The following PRELID2 variants were observed in gnomAD, a reference collection of about 807,000 sequenced individuals.
The protein encoded by PRELID2 is PRELI domain containing 2, also known as PRELI domain-containing protein 2.
In PRELID2, 25 loss-of-function variants were observed where a neutral mutation model predicts 28.4. That is an observed-to-expected ratio of 0.88 (90% CI 0.64 to 1.23). PRELID2 has a LOEUF of 1.23. PRELID2 is among the 50% of genes most tolerant of loss of function. The pLI, the probability that PRELID2 is intolerant of heterozygous loss-of-function variation, is 0.00. For synonymous variants in PRELID2, 76 were observed against 71.6 expected (o/e 1.06, Z -0.31); for missense variants, 201 against 214.4 (o/e 0.94, Z 0.39).
the PRELID2 span, among the ~76,000 whole-genome samples, chr5:145,291,046 TA>T: frequency 2.0e-5 from 3 of 149,902 alleles, no homozygotes; most frequent in African/African-American, 2.4e-5. Flanking sequence ...ATCATTACTT[TA>T]AAAAAAAAGG....
chr5:145,413,167 A>C, the PRELID2 span, among the ~76,000 whole-genome samples: 1 of 152,186 alleles, frequency 6.6e-6, no homozygotes, highest in Admixed American at 6.5e-5. Flanking sequence ...ATCTCATCAA[A>C]AACTGGGCAA....
chr5:145,678,936 A>G (rs1398345319), intron 1 of PRELID2, among the ~76,000 whole-genome samples: 1 of 152,200 alleles, frequency 6.6e-6, no homozygotes, highest in Non-Finnish European at 1.5e-5. Context: ...GAAAATTCAC[A>G]TTTCTTTATT....
intron 5 of PRELID2, among the ~76,000 whole-genome samples, chr5:145,769,781 C>A (rs953043220): frequency 6.6e-6 from 1 of 152,092 alleles, no homozygotes; most frequent in Non-Finnish European, 1.5e-5. Context: ...AGGGAAGCTA[C>A]GTGGAACAGG....
chr5:145,487,241 T>TA (rs67760227), intron 1 of PRELID2, among the ~76,000 whole-genome samples: 3,022 of 147,710 alleles, frequency 0.02, 148 homozygotes, highest in East Asian at 0.16. Flanking sequence ...TAAAGTATAA[T>TA]AATAAAAAAA....
chr5:145,424,445 G>T, the PRELID2 span, among the ~76,000 whole-genome samples: 3 of 152,148 alleles, frequency 2.0e-5, no homozygotes. Context: ...ATGGTGCACC[G>T]TTTTTTAAGC....
At chr5:145,644,600 C>T (rs111404524) in intron 1 of PRELID2, among the ~76,000 whole-genome samples, 3,057 of 151,770 alleles carry the variant, frequency 0.02, 108 homozygotes, top group African/African-American at 0.07. Context: ...TCTTTAATTT[C>T]GATGTTAGGG....
intron 1 of PRELID2, among the ~76,000 whole-genome samples, chr5:145,833,688 G>A (rs916792167): frequency 7.2e-5 from 11 of 152,304 alleles, no homozygotes; most frequent in African/African-American, 2.2e-4. Context: ...CAGGGCCACC[G>A]TGTCACCTCC....
intron 4 of PRELID2, among the ~76,000 whole-genome samples, chr5:145,817,074 C>G (rs1028598356): frequency 1.3e-5 from 2 of 150,644 alleles, no homozygotes; most frequent in Admixed American, 1.3e-4. Context: ...GCCTGTAGTC[C>G]CTGCTTCTCA....
the PRELID2 span, among the ~76,000 whole-genome samples, chr5:145,366,701 G>A: frequency 1.2e-3 from 183 of 151,878 alleles, no homozygotes; most frequent in Non-Finnish European, 1.9e-3. Flanking sequence ...AAACCAAAGC[G>A]TATCTCTGTG....
At chr5:145,283,221 C>T in the PRELID2 span, among the ~76,000 whole-genome samples, 2 of 152,122 alleles carry the variant, frequency 1.3e-5, no homozygotes, top group Non-Finnish European at 1.5e-5. Flanking sequence ...ACTCATGCCA[C>T]CATATTAACA....
the PRELID2 span, among the ~76,000 whole-genome samples, chr5:145,362,310 T>A: frequency 5.9e-5 from 9 of 152,184 alleles, no homozygotes; most frequent in African/African-American, 2.2e-4. Context: ...TCCTCATACC[T>A]GGCCTTCAGG....
chr5:145,797,605 G>A (rs1260060816), intron 4 of PRELID2, among the ~76,000 whole-genome samples: 1 of 152,068 alleles, frequency 6.6e-6, no homozygotes, highest in Non-Finnish European at 1.5e-5. Flanking sequence ...AAAAGATCAT[G>A]GGCTCTTGAG....
chr5:145,646,490 GC>G (rs1302863087), intron 1 of PRELID2, among the ~76,000 whole-genome samples: 2 of 152,090 alleles, frequency 1.3e-5, no homozygotes, highest in African/African-American at 4.8e-5. Flanking sequence ...TACTCCTTTA[GC>G]TTGGAGGAGT....
the PRELID2 span, among the ~76,000 whole-genome samples, chr5:145,322,224 C>G: frequency 2.6e-5 from 4 of 152,138 alleles, no homozygotes; most frequent in Admixed American, 2.0e-4. Context: ...CATTTGAAAG[C>G]ACTTGTCACA....
At chr5:145,558,693 G>A (rs1053084218) in intron 1 of PRELID2, among the ~76,000 whole-genome samples, 1 of 152,162 alleles carries the variant, frequency 6.6e-6, no homozygotes, top group Non-Finnish European at 1.5e-5. Flanking sequence ...AGACTATCAT[G>A]CTTATCTTTA....
chr5:145,576,589 C>G (rs916177382), intron 1 of PRELID2, among the ~76,000 whole-genome samples: 5 of 151,168 alleles, frequency 3.3e-5, no homozygotes, highest in African/African-American at 1.2e-4. Flanking sequence ...GAAACATCAA[C>G]TTGAACAATA....
intron 1 of PRELID2, among the ~76,000 whole-genome samples, chr5:145,653,466 G>A (rs991046730): frequency 2.3e-4 from 35 of 152,118 alleles, no homozygotes; most frequent in African/African-American, 6.7e-4. Context: ...GCACCACGTC[G>A]CAATTATTCC....
chr5:145,586,648 A>C lies in PRELID2; in HGVS notation n.71-113333T>G, dbSNP rs1368069605. 2.0e-5 allele frequency among the ~76,000 whole-genome samples: 3 copies of C among 152,054 alleles called. No individual in the cohort carries two copies. In the East Asian group the frequency reaches 5.8e-4, roughly 29 times the overall value. The stretch of plus-strand genomic sequence containing the variant: ...AGAACATAAGCTCCTATGGGCATAG[A>C]CTCATGCTTCTCTTCCACCCCACAG... On this transcript the variant is annotated intron_variant and non_coding_transcript_variant, in intron 1 of 2. Transcript: ENST00000510259.
At chr5:145,724,786 C>T (rs1431869622) in intron 1 of PRELID2, among the ~76,000 whole-genome samples, 2 of 148,370 alleles carry the variant, frequency 1.3e-5, no homozygotes, top group Non-Finnish European at 3.0e-5. Flanking sequence ...TTTTGTCACT[C>T]AGGCTGGAGT....
Sources: allele counts gnomAD v4.1 joint callset (sites outside exome capture counted in the v4.1 genomes callset), GRCh38; gene constraint gnomAD v4.1.1; transcripts MANE v1.5; gene names NCBI Gene and HGNC (gene_info 2026-07-23, HGNC 2026-07-21).